The following RFTN1 variants were observed in gnomAD, a reference collection of about 807,000 sequenced individuals.
RFTN1 encodes raftlin.
In RFTN1, 26 loss-of-function variants were observed where a neutral mutation model predicts 46.5. The observed-to-expected ratio is 0.56, with a 90% CI of 0.41 to 0.78. RFTN1 has a LOEUF of 0.78. RFTN1 is among the 30% of genes least tolerant of loss of function. The pLI is 0.00. For missense variants in RFTN1, 693 were observed against 718.7 expected, an observed-to-expected ratio of 0.96 and a Z score of 0.41; for synonymous variants, 261 against 284.2, an observed-to-expected ratio of 0.92 and a Z score of 0.82.
chr3:16,368,979 T>G (rs964209084), intron 6 of RFTN1, among the ~76,000 whole-genome samples: 1 of 152,218 alleles, frequency 6.6e-6, no homozygotes, highest in African/African-American at 2.4e-5. Flanking sequence ...GTGTCATTCA[T>G]GCATTCAACA....
intron 8 of RFTN1, among the ~76,000 whole-genome samples, chr3:16,326,078 G>A (rs541993879): frequency 4.1e-4 from 63 of 152,346 alleles, no homozygotes; most frequent in African/African-American, 1.4e-3. Flanking sequence ...TCTGCAAAAT[G>A]GGAATCATAT....
At chr3:16,362,433 G>T (rs982963968) in intron 6 of RFTN1, among the ~76,000 whole-genome samples, 1 of 152,118 alleles carries the variant, frequency 6.6e-6, no homozygotes, top group African/African-American at 2.4e-5. Flanking sequence ...CAAGTATTTT[G>T]GGGTCCAAGG....
At chr3:16,420,620 A>G (rs1429790600) in intron 3 of RFTN1, among the ~76,000 whole-genome samples, 1 of 152,222 alleles carries the variant, frequency 6.6e-6, no homozygotes, top group Non-Finnish European at 1.5e-5. Context: ...GAGTTAGGTG[A>G]TAGAAATGTT....
Position 16,451,707 on chromosome 3 carries a change from G to T in RFTN1, c.146-17670C>A, listed in dbSNP as rs971603261. On this transcript the variant is annotated intron_variant, in intron 2 of 9. Coordinates refer to ENST00000334133, the MANE Select transcript of RFTN1 (RefSeq NM_015150.2). This position sits in a 1 kb window ranked among gnomAD's most constrained non-coding sequence, Gnocchi z 4.2. ...GTGGCCATAACTTTTGCAGCCTGAG[G>T]TGTGACAGCAAAACTACTAGCGTGA... is the stretch of plus-strand genomic sequence containing the variant. Among the ~76,000 whole-genome samples the T allele has an allele frequency of 6.6e-6, 1 of 152,102 alleles. No homozygotes were observed. The highest frequency in any genetic ancestry group is 1.5e-5 in the Non-Finnish European group (1 of 68,036).
At chr3:16,393,811 A>G (rs2074406587) in intron 4 of RFTN1, among the ~76,000 whole-genome samples, 1 of 151,948 alleles carries the variant, frequency 6.6e-6, no homozygotes, top group African/African-American at 2.4e-5. Context: ...GGTGCCCGCC[A>G]CCATACCCGG....
chr3:16,499,762 C>T lies in RFTN1; in HGVS notation c.-8-5885G>A, dbSNP rs1226720693. On this transcript the variant is annotated intron_variant, in intron 1 of 9. Coordinates refer to ENST00000334133, the MANE Select transcript of RFTN1 (RefSeq NM_015150.2). The surrounding 1 kb of genome is among the most constrained non-coding windows in gnomAD (Gnocchi z 4.9). Reference sequence around the variant, plus strand: ...TGGCCTGCTTTTAAGGTCCCTGTTACAGCCATTCACCCTTTGAAGGGCATT... The same window carrying T: ...TGGCCTGCTTTTAAGGTCCCTGTTATAGCCATTCACCCTTTGAAGGGCATT... Among the ~76,000 whole-genome samples, 1 of 152,250 alleles carries T rather than the reference C, an allele frequency of 6.6e-6. No individual in the cohort carries two copies. Among genetic ancestry groups the T allele is most frequent in the Non-Finnish European group, 1.5e-5 (1 of 68,042 alleles).
chr3:16,364,988 C>A (rs2073064507), intron 6 of RFTN1, among the ~76,000 whole-genome samples: 1 of 152,176 alleles, frequency 6.6e-6, no homozygotes. Flanking sequence ...TGAGCTATAT[C>A]CTATGATCTG....
intron 6 of RFTN1, among the ~76,000 whole-genome samples, chr3:16,362,940 G>A (rs62236261): frequency 0.043 from 6,571 of 152,168 alleles, 179 homozygotes; most frequent in Middle Eastern, 0.075. Context: ...TGTGTAGTCC[G>A]CAGGGAAAGC....
In RFTN1 at chr3:16,316,815, A is replaced by G. The variant is rs1482658706; in HGVS notation, c.*13T>C. ...TGGCAACTCACCTAGTTTTAGCACA[A>G]ATTGCCCAAGACTCAGTTTTCTTCA... is the stretch of plus-strand genomic sequence containing the variant. On this transcript the variant is annotated 3_prime_UTR_variant, in exon 10 of 10. Coordinates refer to ENST00000334133, the MANE Select transcript of RFTN1 (RefSeq NM_015150.2). This position sits in a 1 kb window ranked among gnomAD's most constrained non-coding sequence, Gnocchi z 4.5. 3.1e-6 allele frequency: 5 copies of G among 1,613,132 alleles called. No homozygotes were observed. Among genetic ancestry groups the G allele is most frequent in the South Asian group, 2.2e-5 (2 of 90,944 alleles).
chr3:16,345,819 C>CGTGTGTGT lies in RFTN1; in HGVS notation c.1146+12112_1146+12113insACACACAC, dbSNP rs60215359. On this transcript the variant is annotated intron_variant, in intron 7 of 9. Transcript: ENST00000334133. This position sits in a 1 kb window ranked among gnomAD's most constrained non-coding sequence, Gnocchi z 5.2. ...GTGTGTGTGTGTGTGTGTGTGTGTG[C>CGTGTGTGT]GCGCGCGCGTGCGCGCACGCGCACA... is the stretch of plus-strand genomic sequence containing the variant. 2.4e-5 allele frequency among the ~76,000 whole-genome samples: 2 copies of CGTGTGTGT among 83,910 alleles called. No homozygotes were observed. The highest frequency in any genetic ancestry group is 1.0e-3 in the East Asian group (2 of 1,922). The allele number at this position is 83,910 out of a possible 152,430, so 55.0% of individuals were successfully genotyped here.
In RFTN1 at chr3:16,418,843, C is replaced by A. The variant is rs1289679246; in HGVS notation, c.333-9360G>T. Among the ~76,000 whole-genome samples, 2 of 152,200 alleles carry A rather than the reference C, an allele frequency of 1.3e-5. No individual in the cohort carries two copies. Among genetic ancestry groups the A allele is most frequent in the Non-Finnish European group, 2.9e-5 (2 of 68,044 alleles). On this transcript the variant is annotated intron_variant, in intron 3 of 9. Transcript: ENST00000334133. The surrounding 1 kb of genome is among the most constrained non-coding windows in gnomAD (Gnocchi z 5.0). ...ATTTGTCTATCCATCACCTGCTTGA[C>A]TGCTGACCACATATGAGGGATTGAA...
rs1393678922 is a variant in RFTN1, at chr3:16,329,571, C to T, written c.1147-2695G>A. Among the ~76,000 whole-genome samples the T allele has an allele frequency of 6.6e-6, 1 of 152,166 alleles. No homozygotes were observed. The highest frequency in any genetic ancestry group is 1.5e-5 in the Non-Finnish European group (1 of 68,018). On this transcript the variant is annotated intron_variant, in intron 7 of 9. Transcript: ENST00000334133. The surrounding 1 kb of genome is among the most constrained non-coding windows in gnomAD (Gnocchi z 4.5). Reference sequence around the variant, plus strand: ...CGCACACCTCCCTTCCAGACCAGCACAGCCCGTATTCCTCCTGCTGGGTGC... The same window carrying T: ...CGCACACCTCCCTTCCAGACCAGCATAGCCCGTATTCCTCCTGCTGGGTGC...
chr3:16,459,538 A>C lies in RFTN1; in HGVS notation c.146-25501T>G, dbSNP rs2075972411. On this transcript the variant is annotated intron_variant, in intron 2 of 9. Transcript: ENST00000334133. The surrounding 1 kb of genome is among the most constrained non-coding windows in gnomAD (Gnocchi z 4.2). The stretch of plus-strand genomic sequence containing the variant: ...AGCTCAGGAGTTCAAGGCTACAGTG[A>C]GCTGTGATCGTGCCACTGCACTCAG... Among the ~76,000 whole-genome samples the C allele has an allele frequency of 6.6e-6, 1 of 152,202 alleles. No homozygotes were observed. The highest frequency in any genetic ancestry group is 1.5e-5 in the Non-Finnish European group (1 of 68,040).
Position 16,475,121 on chromosome 3 carries a change from T to G in RFTN1, c.145+18604A>C, listed in dbSNP as rs1224641029. On this transcript the variant is annotated intron_variant, in intron 2 of 9. Coordinates refer to ENST00000334133, the MANE Select transcript of RFTN1 (RefSeq NM_015150.2). This position sits in a 1 kb window ranked among gnomAD's most constrained non-coding sequence, Gnocchi z 4.2. ...GCACCTCCTCGTCTCTTGCTTCCTC[T>G]CTCACCATGTGACACACCAGCTCCC... Among the ~76,000 whole-genome samples the G allele has an allele frequency of 2.0e-5, 3 of 152,146 alleles. No individual in the cohort carries two copies. Among genetic ancestry groups the G allele is most frequent in the Non-Finnish European group, 4.4e-5 (3 of 68,016 alleles).
Position 16,378,082 on chromosome 3 carries a change from C to G in RFTN1, c.462G>C (p.Gln154His). The stretch of plus-strand genomic sequence containing the variant: ...GTATAACACCAACGAATTTCAGGCC[C>G]TGGCTTGCAGCCTCCTGGATCTGTG... ...FIKKIQEAAS[Q>H]GLKFVGVIPQ... Residue 154 changes from glutamine (Q) to histidine (H), a missense_variant, in exon 5 of 10, where the codon CAG (glutamine) becomes CAC (histidine). By Grantham distance (24) the Gln-to-His change is conservative (BLOSUM62 0). Coordinates refer to ENST00000334133, the MANE Select transcript of RFTN1 (RefSeq NM_015150.2). 6.2e-7 allele frequency: 1 copy of G among 1,611,288 alleles called. No homozygotes were observed. Among genetic ancestry groups the G allele is most frequent in the South Asian group, 1.1e-5 (1 of 91,070 alleles).
At chr3:16,415,902 T>C (rs1019511190) in intron 3 of RFTN1, among the ~76,000 whole-genome samples, 1 of 152,204 alleles carries the variant, frequency 6.6e-6, no homozygotes, top group Non-Finnish European at 1.5e-5. Context: ...TCTGTTAATC[T>C]GTTTATCTGT....
At position 16,440,143 on chromosome 3, in the gene RFTN1, C is replaced by G. The variant is rs552341885; in HGVS notation, c.146-6106G>C. 6.6e-6 allele frequency among the ~76,000 whole-genome samples: 1 copy of G among 152,284 alleles called. No homozygotes were observed. Among genetic ancestry groups the G allele is most frequent in the East Asian group, 1.9e-4 (1 of 5,180 alleles). Reference sequence around the variant, plus strand: ...AAATGCCAGCCTACTCAGAGTGGGCCGCTGCCGCGAGGGCTGATCACACTT... The same window carrying G: ...AAATGCCAGCCTACTCAGAGTGGGCGGCTGCCGCGAGGGCTGATCACACTT... On this transcript the variant is annotated intron_variant, in intron 2 of 9. Coordinates refer to ENST00000334133, the MANE Select transcript of RFTN1 (RefSeq NM_015150.2). The surrounding 1 kb of genome is among the most constrained non-coding windows in gnomAD (Gnocchi z 4.6).
In RFTN1 at chr3:16,329,037, A is replaced by G. The variant is rs1171132020; in HGVS notation, c.1147-2161T>C. 6.6e-6 allele frequency among the ~76,000 whole-genome samples: 1 copy of G among 152,270 alleles called. No individual in the cohort carries two copies. Among genetic ancestry groups the G allele is most frequent in the African/African-American group, 2.4e-5 (1 of 41,476 alleles). On this transcript the variant is annotated intron_variant, in intron 7 of 9. Transcript: ENST00000334133. The surrounding 1 kb of genome is among the most constrained non-coding windows in gnomAD (Gnocchi z 4.5). ...TGAAAACTTAATCCCCAATGCAATG[A>G]CATTGAATGGTGAGGCCTGGTGGGA...
intron 2 of RFTN1, among the ~76,000 whole-genome samples, chr3:16,493,053 C>T (rs907236994): frequency 6.6e-6 from 1 of 152,260 alleles, no homozygotes; most frequent in Non-Finnish European, 1.5e-5. Context: ...TGGCAGACAA[C>T]AGGCAGGTGA....
Sources: gnomAD v4.1 joint callset for allele counts (sites outside exome capture counted in the v4.1 genomes callset) on GRCh38, gnomAD v4.1.1 for gene constraint, Gnocchi (gnomAD v3.1) non-coding constraint, MANE v1.5 for transcripts, NCBI Gene and HGNC (gene_info 2026-07-23, HGNC 2026-07-21) for gene names.